Variants in PKHD1L1 observed in about 807,000 individuals in gnomAD.
PKHD1L1 encodes the protein PKHD1 like 1.
A neutral mutation model predicts 462.9 loss-of-function variants in PKHD1L1; 434 were observed. The observed-to-expected ratio is 0.94, with a 90% CI of 0.87 to 1.02. The LOEUF is 1.02. PKHD1L1 is among the 50% of genes least tolerant of loss of function. The pLI is 0.00. For missense variants in PKHD1L1, 5,202 were observed against 5,096.1 expected (o/e 1.02, Z -0.63); for synonymous variants, 1,781 against 1,750.0 (o/e 1.02, Z -0.44).
At chr8:109,496,541 A>C (rs1226226196) in intron 63 of PKHD1L1, among the ~76,000 whole-genome samples, 1 of 152,240 alleles carries the variant, frequency 6.6e-6, no homozygotes, top group African/African-American at 2.4e-5. Context: ...AACTTTTGCA[A>C]ATAAGTATAC....
rs775109971 is a variant in PKHD1L1, at chr8:109,452,781, C to T, written c.6571C>T (p.Pro2191Ser). Residue 2191 changes from proline to serine, a missense_variant, in exon 43 of 78, where the codon CCC (proline) becomes TCC (serine). This residue lies in a region of PKHD1L1 where 4,497 missense variants were observed against 4,336.8 expected (regional missense o/e 1.04). Transcript: ENST00000378402. ...CAATTTCTCATGGGGGGGAAAATCT[C>T]CCCCAGAAGAAGGATCTCTTGTTGT... ...SSNFSWGGKS[P>S]PEEGSLVVIT... The T allele has an allele frequency of 6.5e-7, 1 of 1,533,682 alleles. No homozygotes were observed. The highest frequency in any genetic ancestry group is 8.8e-7 in the Non-Finnish European group (1 of 1,141,168).
intron 71 of PKHD1L1, among the ~76,000 whole-genome samples, chr8:109,512,426 T>C (rs1221171723): frequency 6.6e-6 from 1 of 152,072 alleles, no homozygotes. Context: ...CTAGCCAGTT[T>C]TCCCAGCACC....
intron 59 of PKHD1L1, 150 bp downstream of exon 59, chr8:109,486,971 C>A: frequency 1.4e-6 from 1 of 736,276 alleles, no homozygotes; most frequent in Non-Finnish European, 2.1e-6. Flanking sequence ...TTTTTACCTT[C>A]CAAGTAAATT....
intron 66 of PKHD1L1, 29 bp downstream of exon 66, chr8:109,498,602 G>A (rs749947666): frequency 6.2e-7 from 1 of 1,608,852 alleles, no homozygotes; most frequent in Non-Finnish European, 8.5e-7. Flanking sequence ...TAATGTTGTT[G>A]TTCATATGAG....
intron 54 of PKHD1L1, 135 bp downstream of exon 54, chr8:109,479,774 C>A: frequency 2.5e-6 from 2 of 811,176 alleles, no homozygotes; most frequent in Non-Finnish European, 3.8e-6. Flanking sequence ...ATTAATGCAT[C>A]CCGGATACTA....
At chr8:109,512,342 G>C (rs999028472) in intron 71 of PKHD1L1, among the ~76,000 whole-genome samples, 15 of 151,322 alleles carry the variant, frequency 9.9e-5, no homozygotes, top group Non-Finnish European at 2.1e-4. Flanking sequence ...TAACATTTAA[G>C]TCTTTAATCC....
chr8:109,523,830 A>G (rs1820685219), intron 76 of PKHD1L1, among the ~76,000 whole-genome samples: 2 of 152,344 alleles, frequency 1.3e-5, no homozygotes, highest in South Asian at 4.1e-4. Context: ...GAGCATTATC[A>G]TAATTTACAG....
intron 70 of PKHD1L1, 142 bp downstream of exon 70, chr8:109,508,406 T>C: frequency 1.8e-5 from 15 of 820,296 alleles, no homozygotes; most frequent in Non-Finnish European, 2.6e-5. Context: ...CAATGAGCAA[T>C]GCGCAGGGGA....
At chr8:109,492,029 T>A in intron 62 of PKHD1L1, 35 bp downstream of exon 62, 1 of 1,376,738 alleles carries the variant, frequency 7.3e-7, no homozygotes, top group Non-Finnish European at 9.7e-7. Flanking sequence ...TACTAATTTA[T>A]AATTATATCA....
rs1049792011 is a variant in PKHD1L1, at chr8:109,475,269, G to A, written c.8757G>A (p.Lys2919=). ...ATACATCGACATTCTATGGATTCAA[G>A]GTAAAAATATTTATCTTCTAATGAT... The part of the protein sequence containing the change: ...ISYTSTFYGF[K]EEDYVIISHN... Residue 2919 remains lysine, a splice_region_variant and synonymous_variant, in exon 51 of 78, where the codon AAG becomes AAA. Transcript: ENST00000378402. The A allele has an allele frequency of 3.8e-6, 6 of 1,595,430 alleles. No individual in the cohort carries two copies. Among genetic ancestry groups the A allele is most frequent in the Non-Finnish European group, 4.3e-6 (5 of 1,168,410 alleles).
chr8:109,382,946 T>G (rs1172200913), intron 4 of PKHD1L1, among the ~76,000 whole-genome samples: 1 of 148,782 alleles, frequency 6.7e-6, no homozygotes, highest in East Asian at 1.9e-4. Flanking sequence ...TGTGCCTGCA[T>G]GTGGTGTAAG....
chr8:109,481,021 C>T lies in PKHD1L1; in HGVS notation c.9328-412C>T, dbSNP rs951641636. On this transcript the variant is annotated intron_variant, in intron 55 of 77. Transcript: ENST00000378402. ...TATATGTGAAGCCTTACACATTATG[C>T]ATGATGGAAACAGCAAGCATTTAAT... Among the ~76,000 whole-genome samples, 4 of 151,864 alleles carry T rather than the reference C, an allele frequency of 2.6e-5. No individual in the cohort carries two copies. The East Asian group carries it at 7.7e-4, about 29-fold the overall frequency.
At position 109,536,483 on chromosome 8, in the gene PKHD1L1, C is replaced by T. The variant is rs754852690; in HGVS notation, c.*6393C>T. ...GGTTGTATGAATTTCAATACATTTACTGTTAGAAATAACAAAAGGTCTTAG... is the reference window on the plus strand; with the variant it reads ...GGTTGTATGAATTTCAATACATTTATTGTTAGAAATAACAAAAGGTCTTAG... On this transcript the variant is annotated 3_prime_UTR_variant, in exon 78 of 78. Transcript: ENST00000378402. Among the ~76,000 whole-genome samples, 1 of 152,164 alleles carries T rather than the reference C, an allele frequency of 6.6e-6. No homozygotes were observed. Among genetic ancestry groups the T allele is most frequent in the Non-Finnish European group, 1.5e-5 (1 of 68,012 alleles).
Position 109,396,147 on chromosome 8 carries a change from A to G in PKHD1L1, c.922+10A>G, listed in dbSNP as rs912809821. On this transcript the variant is annotated intron_variant, in intron 11 of 77. Coordinates refer to ENST00000378402, the MANE Select transcript of PKHD1L1 (RefSeq NM_177531.6). Reference sequence around the variant, plus strand: ...AGAGTTCTAGTTGGAGGTATTTCTCATGGTTTTTGATATATTACTTTATTA... The same window carrying G: ...AGAGTTCTAGTTGGAGGTATTTCTCGTGGTTTTTGATATATTACTTTATTA... The G allele has an allele frequency of 6.4e-7, 1 of 1,563,408 alleles. No individual in the cohort carries two copies. The highest frequency in any genetic ancestry group is 1.4e-5 in the African/African-American group (1 of 73,590).
intron 59 of PKHD1L1, among the ~76,000 whole-genome samples, chr8:109,487,563 T>C (rs1337817237): frequency 6.6e-6 from 1 of 151,708 alleles, no homozygotes; most frequent in East Asian, 1.9e-4. Flanking sequence ...CCTCTCTCCT[T>C]GCAATTTATC....
chr8:109,520,468 C>T (rs1414307231), intron 73 of PKHD1L1, among the ~76,000 whole-genome samples: 1 of 152,088 alleles, frequency 6.6e-6, no homozygotes, highest in African/African-American at 2.4e-5. Context: ...CATCCATCCC[C>T]TTAAAGCAGT....
Position 109,376,168 on chromosome 8 carries a change from C to T in PKHD1L1, c.164-5202C>T, listed in dbSNP as rs780823698. Among the ~76,000 whole-genome samples, 374 of 152,334 alleles carry T rather than the reference C, an allele frequency of 2.5e-3. 5 individuals carry two copies. Among genetic ancestry groups the T allele is most frequent in the Non-Finnish European group, 6.8e-4 (46 of 68,034 alleles). ...CTCCACCCAGTTCGAGCTTCCTGGC[C>T]ACTTTGTTTACCTAAGCAAGCTTGG... On this transcript the variant is annotated intron_variant, in intron 2 of 77. Transcript: ENST00000378402.
At chr8:109,366,382 G>A (rs572626192) in intron 2 of PKHD1L1, among the ~76,000 whole-genome samples, 2 of 152,262 alleles carry the variant, frequency 1.3e-5, no homozygotes, top group African/African-American at 4.8e-5. Flanking sequence ...CTTTCTCAGA[G>A]GCTGAGTCTA....
Position 109,532,240 on chromosome 8 carries a change from A to G in PKHD1L1, c.*2150A>G, listed in dbSNP as rs1479775808. Among the ~76,000 whole-genome samples, 1 of 10,018 alleles carries G rather than the reference A, an allele frequency of 1.0e-4. No individual in the cohort carries two copies. Among genetic ancestry groups the G allele is most frequent in the East Asian group, 1.7e-3 (1 of 596 alleles). 6.6% of individuals were successfully genotyped at this position (10,018 alleles called of 152,430 possible). A position where few individuals can be genotyped will look rare whatever the true frequency, so the allele number is the denominator to read the frequency against. ...AATTTCTAAAAATTGCTTCTTAGCC[A>G]CACAGACTTTGTTAAAAAGTTCCTG... On this transcript the variant is annotated 3_prime_UTR_variant, in exon 78 of 78. Coordinates refer to ENST00000378402, the MANE Select transcript of PKHD1L1 (RefSeq NM_177531.6).
Sources: gnomAD v4.1 joint callset for allele counts (sites outside exome capture counted in the v4.1 genomes callset) on GRCh38, gnomAD v4.1.1 for gene constraint, gnomAD v4.1.1 regional missense constraint, MANE v1.5 for transcripts, NCBI Gene and HGNC (gene_info 2026-07-23, HGNC 2026-07-21) for gene names.